The following CCDC7 variants were observed in gnomAD, a reference collection of about 807,000 sequenced individuals.
The protein encoded by CCDC7 is coiled-coil domain-containing protein 7.
A neutral mutation model predicts 196.9 loss-of-function variants in CCDC7; 183 were observed. The ratio of observed to expected loss-of-function variants is 0.93; its 90% CI spans 0.82 to 1.05. CCDC7 has a LOEUF of 1.05. CCDC7 is among the 50% of genes least tolerant of loss of function. The pLI, the probability that CCDC7 is intolerant of heterozygous loss-of-function variation, is 0.00. For synonymous variants in CCDC7, 525 were observed against 484.6 expected (o/e 1.08, Z -1.10); for missense variants, 1,540 against 1,482.2 (o/e 1.04, Z -0.64).
At chr10:32,695,865 C>G (rs1311973002) in intron 24 of CCDC7, among the ~76,000 whole-genome samples, 1 of 152,128 alleles carries the variant, frequency 6.6e-6, no homozygotes, top group Non-Finnish European at 1.5e-5. Flanking sequence ...GTCATAGTAT[C>G]AGGTAACAGC....
At chr10:32,708,194 C>G (rs959063904) in intron 24 of CCDC7, among the ~76,000 whole-genome samples, 3 of 152,126 alleles carry the variant, frequency 2.0e-5, no homozygotes, top group Non-Finnish European at 1.5e-5. Context: ...TGATCTTTGA[C>G]AAACCTGACA....
intron 9 of CCDC7, among the ~76,000 whole-genome samples, chr10:32,508,821 C>T (rs895546357): frequency 2.6e-4 from 39 of 151,582 alleles, no homozygotes; most frequent in African/African-American, 9.5e-4. Context: ...TTAGTAGAGA[C>T]GGGGTTTTAC....
At position 32,606,733 on chromosome 10, in the gene CCDC7, A is replaced by G. The variant is rs146373137; in HGVS notation, c.1801+22429A>G. Among the ~76,000 whole-genome samples, 603 of 152,292 alleles carry G rather than the reference A, an allele frequency of 4.0e-3. 3 individuals are homozygous for G. The highest frequency in any genetic ancestry group is 5.6e-3 in the Non-Finnish European group (378 of 68,018). The stretch of plus-strand genomic sequence containing the variant: ...CTTTAGGAACAGAAGTCTTTACCCA[A>G]TGCCTGTACTGTATCTAGAAATAAA... On this transcript the variant is annotated intron_variant, in intron 18 of 41. Transcript: ENST00000639629.
chr10:32,460,338 G>T (rs1303422611), intron 3 of CCDC7, among the ~76,000 whole-genome samples: 1 of 152,116 alleles, frequency 6.6e-6, no homozygotes, highest in African/African-American at 2.4e-5. Context: ...TTTCACAGTG[G>T]ATCAGTTTTT....
At chr10:32,874,657 GTA>G (rs147448395) in intron 41 of CCDC7, among the ~76,000 whole-genome samples, 30 of 146,486 alleles carry the variant, frequency 2.0e-4, no homozygotes, top group Middle Eastern at 3.6e-3. Context: ...ATGTGTGTAT[GTA>G]TATATATATA....
intron 21 of CCDC7, among the ~76,000 whole-genome samples, chr10:32,672,164 G>C (rs910711790): frequency 2.6e-5 from 4 of 152,128 alleles, no homozygotes; most frequent in African/African-American, 9.7e-5. Context: ...TATGCCCAGG[G>C]CACATGCACC....
At chr10:32,605,269 C>T (rs1447283631) in intron 18 of CCDC7, among the ~76,000 whole-genome samples, 1 of 152,148 alleles carries the variant, frequency 6.6e-6, no homozygotes, top group African/African-American at 2.4e-5. Flanking sequence ...GCCAATTAAA[C>T]CTCTTTTATT....
intron 16 of CCDC7, chr10:32,574,633 AT>A: frequency 4.0e-6 from 2 of 497,990 alleles, no homozygotes; most frequent in Non-Finnish European, 6.0e-6. Context: ...ATAGATTTTA[AT>A]AATTTATTGT....
At position 32,728,954 on chromosome 10, in the gene CCDC7, G is replaced by C. The variant is rs1021822791; in HGVS notation, c.2736G>C (p.Met912Ile). 4 of 1,608,294 alleles carry C rather than the reference G, an allele frequency of 2.5e-6. No individual in the cohort carries two copies. In the Middle Eastern group the frequency reaches 5.2e-4, roughly 210 times the overall value. Residue 912 changes from methionine to isoleucine, a missense_variant, in exon 27 of 42, where the codon ATG (methionine) becomes ATC (isoleucine). By Grantham distance (10) the Met-to-Ile change is conservative. Transcript: ENST00000639629. ...AAGATTCAAAGTCAAAACTCCAAATGCAAGAAAAGAAACAAATAAATTCTG... is the reference window on the plus strand; with the variant it reads ...AAGATTCAAAGTCAAAACTCCAAATCCAAGAAAAGAAACAAATAAATTCTG...
At chr10:32,622,020 T>C (rs2063472749) in intron 18 of CCDC7, among the ~76,000 whole-genome samples, 2 of 152,332 alleles carry the variant, frequency 1.3e-5, no homozygotes, top group South Asian at 4.1e-4. Flanking sequence ...AGCTTATCAA[T>C]CTCAGATCTC....
intron 13 of CCDC7, among the ~76,000 whole-genome samples, chr10:32,559,097 C>T (rs186437370): frequency 0.084 from 12,717 of 152,270 alleles, 570 homozygotes; most frequent in East Asian, 0.16. Context: ...AACTGCAAGG[C>T]GGCAGCGAGG....
rs189974393 is a variant in CCDC7 at position 32,647,053 on chromosome 10, G to T, written c.2014+11895G>T. On this transcript the variant is annotated intron_variant, in intron 20 of 41. Coordinates refer to ENST00000639629, the Ensembl canonical transcript of CCDC7. ...TACAGTAATGAATATTTGAGTGCATGTGTTTTTTTGGTAGAATGACTTATA... is the reference window on the plus strand; with the variant it reads ...TACAGTAATGAATATTTGAGTGCATTTGTTTTTTTGGTAGAATGACTTATA... Among the ~76,000 whole-genome samples the T allele has an allele frequency of 2.0e-5, 3 of 152,288 alleles. No homozygotes were observed. In the East Asian group the frequency reaches 5.8e-4, roughly 29 times the overall value.
At chr10:32,578,591 A>G (rs1018013430) in intron 16 of CCDC7, among the ~76,000 whole-genome samples, 1 of 151,328 alleles carries the variant, frequency 6.6e-6, no homozygotes, top group Non-Finnish European at 1.5e-5. Flanking sequence ...TAACAATAGG[A>G]TTTGTGCTTC....
At chr10:32,457,389 C>A in intron 3 of CCDC7, among the ~76,000 whole-genome samples, 1 of 152,110 alleles carries the variant, frequency 6.6e-6, no homozygotes, top group South Asian at 2.1e-4. Flanking sequence ...AATAGTAGTC[C>A]ATTCCCCCTA....
chr10:32,866,134 C>A (rs910729478), intron 41 of CCDC7, among the ~76,000 whole-genome samples: 2 of 151,738 alleles, frequency 1.3e-5, no homozygotes, highest in African/African-American at 4.8e-5. Flanking sequence ...TATTCAATGG[C>A]TGACATAAAT....
chr10:32,504,681 T>A (rs778234003), intron 9 of CCDC7, among the ~76,000 whole-genome samples: 1 of 152,164 alleles, frequency 6.6e-6, no homozygotes, highest in African/African-American at 2.4e-5. Context: ...TGTTTAGGAG[T>A]GTGTTAATTT....
chr10:32,558,587 T>C (rs1245330375), intron 13 of CCDC7, among the ~76,000 whole-genome samples: 1 of 152,172 alleles, frequency 6.6e-6, no homozygotes, highest in Non-Finnish European at 1.5e-5. Context: ...CAGATAGGGA[T>C]TGCCCTCAAA....
At chr10:32,627,389 T>C (rs1417788093) in intron 18 of CCDC7, among the ~76,000 whole-genome samples, 1 of 151,948 alleles carries the variant, frequency 6.6e-6, no homozygotes, top group Non-Finnish European at 1.5e-5. Flanking sequence ...TGCGCAACTT[T>C]ATAGAATTCA....
At chr10:32,502,070 C>A (rs1010568734) in intron 9 of CCDC7, among the ~76,000 whole-genome samples, 2 of 152,076 alleles carry the variant, frequency 1.3e-5, no homozygotes, top group South Asian at 2.1e-4. Context: ...TGGTGGATGC[C>A]CCTCCCCCTA....
Sources: allele counts gnomAD v4.1 joint callset (sites outside exome capture counted in the v4.1 genomes callset), GRCh38; gene constraint gnomAD v4.1.1; transcripts MANE v1.5; gene names NCBI Gene and HGNC (gene_info 2026-07-23, HGNC 2026-07-21).